NEGR1: variants seen among roughly 807,000 people sequenced by gnomAD.
NEGR1 encodes the protein IgLON family member 4.
In NEGR1, 10 loss-of-function variants were observed where a neutral mutation model predicts 40.9. The ratio of observed to expected loss-of-function variants is 0.24; its 90% CI spans 0.15 to 0.42. The LOEUF (loss-of-function observed/expected upper bound fraction) is 0.42. Ranked by LOEUF, NEGR1 falls within the 10% of genes least tolerant of loss-of-function variation. The probability of loss-of-function intolerance (pLI) is 1.00; values close to 1 mark genes in which losing one functional copy is unlikely to be tolerated. For missense variants in NEGR1, 352 were observed against 438.9 expected (o/e 0.80, Z 1.77); for synonymous variants, 185 against 166.8 (o/e 1.11, Z -0.84).
chr1:71,797,081 A>G (rs976532392), intron 2 of NEGR1, among the ~76,000 whole-genome samples: 1 of 152,200 alleles, frequency 6.6e-6, no homozygotes, highest in African/African-American at 2.4e-5. Flanking sequence ...GCTTGCAGAA[A>G]GACAGACGGG....
intron 2 of NEGR1, among the ~76,000 whole-genome samples, chr1:71,838,504 T>C (rs1051179910): frequency 6.6e-6 from 1 of 152,172 alleles, no homozygotes; most frequent in African/African-American, 2.4e-5. Flanking sequence ...AAGTCATTGA[T>C]ACATTAAGGT....
rs146711544 is a variant in NEGR1, at chr1:71,488,556, T to C, written c.941-80986A>G. 3.2e-3 allele frequency among the ~76,000 whole-genome samples: 481 copies of C among 151,882 alleles called. 1 individual carries two copies. The highest frequency in any genetic ancestry group is 0.011 in the African/African-American group (457 of 41,484). On this transcript the variant is annotated intron_variant, in intron 6 of 6. Coordinates refer to ENST00000357731, the MANE Select transcript of NEGR1 (RefSeq NM_173808.3). ...TATCATTCCATTTCCCAGAGTTCTT[T>C]TCCAAACAGTGCAATAACTTTCTAC...
chr1:71,609,376 G>T (rs1271991274), intron 5 of NEGR1, among the ~76,000 whole-genome samples: 2 of 150,736 alleles, frequency 1.3e-5, no homozygotes, highest in East Asian at 2.0e-4. Flanking sequence ...TAAGCCGGGC[G>T]TGGTGGCGGG....
intron 3 of NEGR1, among the ~76,000 whole-genome samples, chr1:71,699,398 A>T (rs561864579): frequency 6.6e-6 from 1 of 151,924 alleles, no homozygotes; most frequent in African/African-American, 2.4e-5. Context: ...AATATATATG[A>T]TTAAGTCGTA....
chr1:71,410,202 A>G (rs1646310336), intron 6 of NEGR1, among the ~76,000 whole-genome samples: 1 of 152,146 alleles, frequency 6.6e-6, no homozygotes, highest in African/African-American at 2.4e-5. Context: ...AATAAACTAG[A>G]AACTGGGGGA....
At chr1:71,850,818 C>T (rs1350368059) in intron 2 of NEGR1, among the ~76,000 whole-genome samples, 1 of 152,104 alleles carries the variant, frequency 6.6e-6, no homozygotes, top group African/African-American at 2.4e-5. Flanking sequence ...TATAAAGACT[C>T]TAACACTGGT....
chr1:72,246,366 T>C (rs1024224616), intron 1 of NEGR1, among the ~76,000 whole-genome samples: 1 of 152,196 alleles, frequency 6.6e-6, no homozygotes, highest in Non-Finnish European at 1.5e-5. Flanking sequence ...ATTTGCCTCC[T>C]CTATGCACTG....
At chr1:72,249,962 T>C (rs916199929) in intron 1 of NEGR1, among the ~76,000 whole-genome samples, 4 of 152,202 alleles carry the variant, frequency 2.6e-5, no homozygotes, top group East Asian at 1.9e-4. Flanking sequence ...CCTTTCACTA[T>C]ATGGAATGGC....
intron 1 of NEGR1, among the ~76,000 whole-genome samples, chr1:72,090,858 G>A (rs926919063): frequency 9.2e-5 from 14 of 151,980 alleles, no homozygotes; most frequent in African/African-American, 2.9e-4. Flanking sequence ...GAAAAACAAG[G>A]GACTAGGCCA....
chr1:71,614,573 CACAA>C (rs990257908), intron 4 of NEGR1, among the ~76,000 whole-genome samples: 20 of 152,092 alleles, frequency 1.3e-4, no homozygotes, highest in African/African-American at 4.1e-4. Context: ...TTTCCTGTCA[CACAA>C]ACAGACTGTA....
At chr1:71,858,303 A>G (rs896922204) in intron 2 of NEGR1, among the ~76,000 whole-genome samples, 5 of 152,078 alleles carry the variant, frequency 3.3e-5, no homozygotes, top group Non-Finnish European at 5.9e-5. Flanking sequence ...TGTATCATTT[A>G]GAATGCAGTT....
intron 2 of NEGR1, among the ~76,000 whole-genome samples, chr1:71,784,816 A>G (rs1656851729): frequency 6.6e-6 from 1 of 152,240 alleles, no homozygotes; most frequent in Non-Finnish European, 1.5e-5. Flanking sequence ...TTTAGTATAC[A>G]TGAAAATTAA....
chr1:71,478,492 C>G (rs1157450139), intron 6 of NEGR1, among the ~76,000 whole-genome samples: 1 of 152,010 alleles, frequency 6.6e-6, no homozygotes, highest in Non-Finnish European at 1.5e-5. Flanking sequence ...CTTTGGCCTT[C>G]TTAGTGGCCG....
chr1:72,230,966 A>G (rs78152876), intron 1 of NEGR1, among the ~76,000 whole-genome samples: 31,513 of 152,104 alleles, frequency 0.21, 3,770 homozygotes, highest in South Asian at 0.28. Context: ...TATTTCTAAA[A>G]ACTTTTATGT....
chr1:71,579,299 T>C (rs1649054799), intron 6 of NEGR1, among the ~76,000 whole-genome samples: 1 of 152,210 alleles, frequency 6.6e-6, no homozygotes, highest in Non-Finnish European at 1.5e-5. Context: ...CATTTTGTGA[T>C]AATTGCTTGT....
At chr1:71,819,256 G>C (rs1036720038) in intron 2 of NEGR1, among the ~76,000 whole-genome samples, 2 of 151,946 alleles carry the variant, frequency 1.3e-5, no homozygotes, top group Non-Finnish European at 2.9e-5. Context: ...GTAATTAGAT[G>C]ATGGGAAAAG....
chr1:71,866,788 C>T (rs996121134), intron 2 of NEGR1, among the ~76,000 whole-genome samples: 5 of 151,986 alleles, frequency 3.3e-5, no homozygotes, highest in African/African-American at 1.2e-4. Flanking sequence ...TATAAATAAA[C>T]GTGGTAAGAA....
chr1:71,528,682 C>A (rs534061116), intron 6 of NEGR1, among the ~76,000 whole-genome samples: 15 of 151,256 alleles, frequency 9.9e-5, no homozygotes, highest in African/African-American at 3.4e-4. Context: ...ACATTAAATT[C>A]TGTTTTTTCA....
Position 71,739,027 on chromosome 1 carries a change from C to T in NEGR1, c.535+37145G>A, listed in dbSNP as rs145123724. On this transcript the variant is annotated intron_variant, in intron 3 of 6. Coordinates refer to ENST00000357731, the MANE Select transcript of NEGR1 (RefSeq NM_173808.3). ...CCCCCACCCACCATGATGGTTAATA[C>T]TGAGTGTCAACTTGATCAAATTAAA... Among the ~76,000 whole-genome samples the T allele has an allele frequency of 3.8e-3, 581 of 151,914 alleles. 10 individuals carry two copies. Among genetic ancestry groups the T allele is most frequent in the Non-Finnish European group, 9.6e-4 (65 of 67,978 alleles).
Sources: allele counts gnomAD v4.1 joint callset (sites outside exome capture counted in the v4.1 genomes callset), GRCh38; gene constraint gnomAD v4.1.1; transcripts MANE v1.5; gene names NCBI Gene and HGNC (gene_info 2026-07-23, HGNC 2026-07-21).